Variants in PPP1R12B observed in about 807,000 individuals in gnomAD.
PPP1R12B encodes the protein protein phosphatase 1 regulatory subunit 12B, also known as myosin phosphatase target subunit 2.
Under a neutral mutation model 126.1 loss-of-function variants are expected in PPP1R12B, and 76 were observed. The observed-to-expected ratio is 0.60, with a 90% CI of 0.50 to 0.73. The LOEUF is 0.73. PPP1R12B is among the 30% of genes least tolerant of loss of function. The pLI, the probability that PPP1R12B is intolerant of heterozygous loss-of-function variation, is 0.00. For missense variants in PPP1R12B, 1,052 were observed against 1,205.1 expected (o/e 0.87, Z 1.88); for synonymous variants, 356 against 434.7 (o/e 0.82, Z 2.25).
chr1:202,374,824 G>A (rs567563413), intron 1 of PPP1R12B, among the ~76,000 whole-genome samples: 7 of 152,150 alleles, frequency 4.6e-5, no homozygotes, highest in East Asian at 1.9e-4. Flanking sequence ...GATTACAGGC[G>A]TGAGCCACCG....
chr1:202,357,619 G>T (rs1433303640), intron 1 of PPP1R12B, among the ~76,000 whole-genome samples: 2 of 152,140 alleles, frequency 1.3e-5, no homozygotes, highest in African/African-American at 2.4e-5. Context: ...GATAATAGGG[G>T]CAAGAAAGTT....
chr1:202,437,909 A>G lies in PPP1R12B; in HGVS notation c.1343A>G (p.His448Arg). The G allele has an allele frequency of 1.2e-6, 2 of 1,614,020 alleles. No homozygotes were observed. The highest frequency in any genetic ancestry group is 1.3e-5 in the African/African-American group (1 of 75,058). The part of the protein sequence containing the change: ...WRLGLRKTGS[H>R]NMLSEVANSR... Reference sequence around the variant, plus strand: ...TTGGGACTGAGAAAAACTGGCAGCCACAACATGCTGAGTGAGGTGGCCAAT... The same window carrying G: ...TTGGGACTGAGAAAAACTGGCAGCCGCAACATGCTGAGTGAGGTGGCCAAT... Residue 448 changes from histidine to arginine, a missense_variant, in exon 10 of 24, where the codon CAC becomes CGC. By Grantham distance (29) the His-to-Arg change is conservative. Coordinates refer to ENST00000608999, the MANE Select transcript of PPP1R12B (RefSeq NM_002481.4).
intron 1 of PPP1R12B, among the ~76,000 whole-genome samples, chr1:202,387,191 C>G (rs1481703246): frequency 1.3e-5 from 2 of 152,130 alleles, no homozygotes; most frequent in African/African-American, 4.8e-5. Flanking sequence ...TTATTTTAAG[C>G]CTTTGAGTTT....
chr1:202,437,002 C>A (rs540326586), intron 9 of PPP1R12B, among the ~76,000 whole-genome samples: 1 of 152,136 alleles, frequency 6.6e-6, no homozygotes, highest in East Asian at 1.9e-4. Context: ...AGTGTTAAAT[C>A]ACTGTATCAT....
intron 18 of PPP1R12B, among the ~76,000 whole-genome samples, chr1:202,505,697 GCTAT>G (rs1680731461): frequency 6.6e-6 from 1 of 152,110 alleles, no homozygotes; most frequent in African/African-American, 2.4e-5. Flanking sequence ...TGGTAGGTGA[GCTAT>G]CTAATAGTTA....
At chr1:202,357,155 CCTCCAGAATGCTAT>C (rs1279528478) in intron 1 of PPP1R12B, among the ~76,000 whole-genome samples, 6 of 152,132 alleles carry the variant, frequency 3.9e-5, no homozygotes, top group Non-Finnish European at 8.8e-5. Flanking sequence ...AGACTTCTGA[CCTCCAGAATGCTAT>C]GATAATAAAT....
At chr1:202,514,208 T>G (rs1375822267) in intron 18 of PPP1R12B, among the ~76,000 whole-genome samples, 2 of 152,310 alleles carry the variant, frequency 1.3e-5, no homozygotes, top group East Asian at 3.9e-4. Flanking sequence ...TTTTTTCATA[T>G]GCTTGTTGAC....
At chr1:202,438,171 GT>G (rs1288090564) in intron 10 of PPP1R12B, 147 bp downstream of exon 10, 14 of 1,559,138 alleles carry the variant, frequency 9.0e-6, no homozygotes, top group Non-Finnish European at 1.0e-5. Context: ...CACACTGATA[GT>G]TTATTCAAGT....
intron 1 of PPP1R12B, among the ~76,000 whole-genome samples, chr1:202,412,153 G>T (rs1433615524): frequency 6.6e-6 from 1 of 152,078 alleles, no homozygotes; most frequent in Admixed American, 6.6e-5. Context: ...TGTCATTCCC[G>T]TAAAATTTTG....
chr1:202,549,919 C>T (rs765152667), intron 18 of PPP1R12B, among the ~76,000 whole-genome samples: 68 of 152,238 alleles, frequency 4.5e-4, no homozygotes, highest in Non-Finnish European at 7.6e-4. Context: ...TTGATCTCTC[C>T]GCTCCTATCC....
intron 18 of PPP1R12B, chr1:202,540,046 A>G (rs1684946072): frequency 4.2e-6 from 6 of 1,426,322 alleles, no homozygotes; most frequent in Non-Finnish European, 4.6e-6. Flanking sequence ...ATCAACTCAA[A>G]AGGAGAGATT....
intron 1 of PPP1R12B, among the ~76,000 whole-genome samples, chr1:202,378,958 C>G (rs1661744739): frequency 6.6e-6 from 1 of 152,120 alleles, no homozygotes; most frequent in Admixed American, 6.6e-5. Flanking sequence ...CACTCTTTGC[C>G]CAGATTTCTA....
At chr1:202,506,553 C>G (rs193299314) in intron 18 of PPP1R12B, among the ~76,000 whole-genome samples, 1 of 152,294 alleles carries the variant, frequency 6.6e-6, no homozygotes, top group East Asian at 1.9e-4. Flanking sequence ...GTTTGGACTT[C>G]TCTCATGCAT....
intron 1 of PPP1R12B, among the ~76,000 whole-genome samples, chr1:202,388,318 G>C (rs1663507974): frequency 1.3e-5 from 2 of 152,056 alleles, no homozygotes; most frequent in Admixed American, 1.3e-4. Context: ...TGAGTAGCTG[G>C]GACTGCAGGC....
At chr1:202,520,715 A>G in intron 18 of PPP1R12B, among the ~76,000 whole-genome samples, 1 of 152,188 alleles carries the variant, frequency 6.6e-6, no homozygotes, top group Non-Finnish European at 1.5e-5. Flanking sequence ...TCAAAAGTGA[A>G]AGCTACTCTG....
intron 1 of PPP1R12B, chr1:202,410,035 G>C (rs1327002866): frequency 2.0e-5 from 3 of 151,960 alleles, no homozygotes; most frequent in Non-Finnish European, 4.4e-5. Flanking sequence ...GATATACTCT[G>C]GATATTAATC....
intron 1 of PPP1R12B, among the ~76,000 whole-genome samples, chr1:202,364,539 G>A (rs943313036): frequency 1.3e-5 from 2 of 151,036 alleles, no homozygotes; most frequent in Non-Finnish European, 1.5e-5. Flanking sequence ...CATTCCTCCT[G>A]CCTCATTTTT....
Position 202,495,341 on chromosome 1 carries a change from ACGC to A in PPP1R12B, c.2196_2198del (p.Pro733del). ...CCCAGCTCAGCCAGACAAACCCACC[ACGC>A]CAGCATCTCCTTCTACGTCAAGACC... On this transcript the variant is annotated inframe_deletion, in exon 16 of 24. Transcript: ENST00000608999. The A allele has an allele frequency of 1.9e-6, 3 of 1,596,820 alleles. No homozygotes were observed. The South Asian group carries it at 3.4e-5, about 18-fold the overall frequency.
chr1:202,577,704 A>C (rs1293815968), intron 23 of PPP1R12B, among the ~76,000 whole-genome samples: 1 of 152,080 alleles, frequency 6.6e-6, no homozygotes. Flanking sequence ...CTCATGCAAG[A>C]CTCATCCTGA....
Sources: allele counts gnomAD v4.1 joint callset (sites outside exome capture counted in the v4.1 genomes callset), GRCh38; gene constraint gnomAD v4.1.1; transcripts MANE v1.5; gene names NCBI Gene and HGNC (gene_info 2026-07-23, HGNC 2026-07-21).